LOC122539214: variants seen among roughly 807,000 people sequenced by gnomAD.
the LOC122539214 span, among the ~76,000 whole-genome samples, chr19:52,686,481 T>A: frequency 7.0e-5 from 9 of 128,694 alleles, no homozygotes; most frequent in South Asian, 1.5e-3. Context: ...TATATATATA[T>A]AAATAAATGA....
the LOC122539214 span, among the ~76,000 whole-genome samples, chr19:52,688,675 A>G: frequency 0.7 from 105,658 of 151,526 alleles, 38,285 homozygotes; most frequent in African/African-American, 0.91. Flanking sequence ...CTTATCTAAC[A>G]TCTTGCTGCT....
At chr19:52,668,604 G>A in the LOC122539214 span, among the ~76,000 whole-genome samples, 608 of 152,116 alleles carry the variant, frequency 4.0e-3, 4 homozygotes, top group Non-Finnish European at 6.1e-3. Context: ...GACATGCCTC[G>A]TGCCAAATGA....
chr19:52,666,990 CAGAA>C, the LOC122539214 span, among the ~76,000 whole-genome samples: 1 of 152,138 alleles, frequency 6.6e-6, no homozygotes, highest in Non-Finnish European at 1.5e-5. Flanking sequence ...AAAGTAGTTA[CAGAA>C]TCAGGAAGGA....
the LOC122539214 span, among the ~76,000 whole-genome samples, chr19:52,671,740 C>A: frequency 6.6e-6 from 1 of 152,142 alleles, no homozygotes; most frequent in Non-Finnish European, 1.5e-5. Context: ...CACACCCATC[C>A]AATTGCAATC....
At chr19:52,679,877 G>A in the LOC122539214 span, among the ~76,000 whole-genome samples, 12 of 152,002 alleles carry the variant, frequency 7.9e-5, no homozygotes, top group Non-Finnish European at 4.4e-5. Flanking sequence ...ACAATGACAC[G>A]TACATCAAAA....
chr19:52,665,558 A>G, the LOC122539214 span, among the ~76,000 whole-genome samples: 1 of 152,236 alleles, frequency 6.6e-6, no homozygotes, highest in East Asian at 1.9e-4. Flanking sequence ...AGTATGTGCA[A>G]TTATTTGCCT....
chr19:52,674,866 C>T, the LOC122539214 span, among the ~76,000 whole-genome samples: 1 of 152,168 alleles, frequency 6.6e-6, no homozygotes, highest in Non-Finnish European at 1.5e-5. Flanking sequence ...CCATACAAAT[C>T]CCTATCAGTT....
the LOC122539214 span, among the ~76,000 whole-genome samples, chr19:52,661,675 C>T: frequency 1.1e-4 from 17 of 152,186 alleles, no homozygotes; most frequent in Non-Finnish European, 2.1e-4. Context: ...CTGAGCACAG[C>T]CCCACCTTCT....
chr19:52,660,172 G>A, the LOC122539214 span, among the ~76,000 whole-genome samples: 1 of 152,160 alleles, frequency 6.6e-6, no homozygotes, highest in Non-Finnish European at 1.5e-5. Flanking sequence ...TTGCTTAAGT[G>A]AGTGGGAAAT....
At chr19:52,652,376 C>T in the LOC122539214 span, 2 of 315,324 alleles carry the variant, frequency 6.3e-6, no homozygotes, top group African/African-American at 2.2e-5. Flanking sequence ...TGGAGGTTGC[C>T]GTGAGCCGAG....
At chr19:52,677,306 TA>T in the LOC122539214 span, among the ~76,000 whole-genome samples, 6,604 of 106,322 alleles carry the variant, frequency 0.062, 327 homozygotes, top group African/African-American at 0.16. Context: ...AATTGAGAAG[TA>T]AAAAAAAAAA....
chr19:52,676,605 C>T, the LOC122539214 span, among the ~76,000 whole-genome samples: 170 of 150,762 alleles, frequency 1.1e-3, 1 homozygote, highest in East Asian at 0.032. Context: ...TCTGCCTGGC[C>T]ACCACCCCGT....
chr19:52,684,214 T>C, the LOC122539214 span, among the ~76,000 whole-genome samples: 2 of 151,704 alleles, frequency 1.3e-5, no homozygotes, highest in African/African-American at 2.4e-5. Flanking sequence ...ACTAAAAACA[T>C]AAAAAGTAGC....
At chr19:52,688,289 G>A in the LOC122539214 span, among the ~76,000 whole-genome samples, 2,242 of 151,796 alleles carry the variant, frequency 0.015, 11 homozygotes, top group Middle Eastern at 0.045. Flanking sequence ...TCCTCCCTTG[G>A]CCTCCAGAGT....
chr19:52,661,230 C>T, the LOC122539214 span, among the ~76,000 whole-genome samples: 7 of 152,092 alleles, frequency 4.6e-5, no homozygotes, highest in Admixed American at 2.0e-4. Flanking sequence ...AGACCTTACC[C>T]GGTATAAAGA....
the LOC122539214 span, among the ~76,000 whole-genome samples, chr19:52,688,337 A>ATTT: frequency 7.2e-6 from 1 of 139,648 alleles, no homozygotes; most frequent in Non-Finnish European, 1.6e-5. Context: ...TACCCGATTA[A>ATTT]TTTTTTTTTT....
chr19:52,653,462 T>C, the LOC122539214 span, among the ~76,000 whole-genome samples: 1 of 152,210 alleles, frequency 6.6e-6, no homozygotes, highest in Non-Finnish European at 1.5e-5. Flanking sequence ...CTAAAAGCTT[T>C]GTCACAAACC....
At chr19:52,680,712 A>C in the LOC122539214 span, among the ~76,000 whole-genome samples, 831 of 133,946 alleles carry the variant, frequency 6.2e-3, 6 homozygotes, top group Non-Finnish European at 8.7e-3. Flanking sequence ...TCCCGGGTTC[A>C]CGCCATTCTC....
the LOC122539214 span, among the ~76,000 whole-genome samples, chr19:52,672,895 G>T: frequency 6.6e-6 from 1 of 152,118 alleles, no homozygotes; most frequent in African/African-American, 2.4e-5. Flanking sequence ...ATTTTAATCA[G>T]AAATAATTAA....
Sources: gnomAD v4.1 joint callset for allele counts (sites outside exome capture counted in the v4.1 genomes callset) on GRCh38, gnomAD v4.1.1 for gene constraint, MANE v1.5 for transcripts.